Variants in TNPO3 observed in about 807,000 individuals in gnomAD.
TNPO3 encodes transportin-3.
A neutral mutation model predicts 122.8 loss-of-function variants in TNPO3; 65 were observed. That is an observed-to-expected ratio of 0.53 (90% confidence interval 0.43 to 0.65). The LOEUF (loss-of-function observed/expected upper bound fraction) is 0.65. Ranked by LOEUF, TNPO3 falls within the 30% of genes least tolerant of loss-of-function variation. The pLI is 0.00. For synonymous variants in TNPO3, 372 were observed against 411.2 expected, an observed-to-expected ratio of 0.90 and a Z score of 1.15; for missense variants, 850 against 1,136.7, an observed-to-expected ratio of 0.75 and a Z score of 3.63.
intron 1 of TNPO3, among the ~76,000 whole-genome samples, chr7:129,026,008 C>T (rs1239760094): frequency 6.6e-6 from 1 of 151,712 alleles, no homozygotes; most frequent in Non-Finnish European, 1.5e-5. Context: ...TGCCTGTAGT[C>T]CCAGCTACCC....
intron 1 of TNPO3, among the ~76,000 whole-genome samples, chr7:129,032,403 G>A (rs1360852099): frequency 6.6e-6 from 1 of 152,190 alleles, no homozygotes; most frequent in Non-Finnish European, 1.5e-5. Context: ...AAAGGAAGAT[G>A]TAAAATAATC....
At chr7:129,011,022 A>C (rs575044590) in intron 4 of TNPO3, among the ~76,000 whole-genome samples, 1 of 152,340 alleles carries the variant, frequency 6.6e-6, no homozygotes, top group South Asian at 2.1e-4. Flanking sequence ...AGCTAGAACC[A>C]TTATTAATGT....
chr7:129,037,453 T>G (rs1409015535), intron 1 of TNPO3, among the ~76,000 whole-genome samples: 2 of 152,094 alleles, frequency 1.3e-5, no homozygotes, highest in Non-Finnish European at 2.9e-5. Flanking sequence ...CTGCTAACAC[T>G]TCTAACAAAT....
chr7:128,990,594 A>C (rs1206901247), intron 10 of TNPO3, among the ~76,000 whole-genome samples: 1 of 152,230 alleles, frequency 6.6e-6, no homozygotes, highest in East Asian at 1.9e-4. Context: ...GGATATTGGA[A>C]ACTTTAAGAA....
chr7:129,001,786 C>T (rs1353602576), intron 5 of TNPO3, among the ~76,000 whole-genome samples: 3 of 152,174 alleles, frequency 2.0e-5, no homozygotes, highest in African/African-American at 7.2e-5. Flanking sequence ...CTTTCTGTCC[C>T]GAAGTCATGG....
At chr7:128,993,468 T>C (rs1466753625) in intron 9 of TNPO3, among the ~76,000 whole-genome samples, 4 of 152,188 alleles carry the variant, frequency 2.6e-5, no homozygotes, top group African/African-American at 7.2e-5. Flanking sequence ...GCAGAAACAC[T>C]TGCCTATTGT....
At chr7:129,051,627 G>T (rs1808783064) in intron 1 of TNPO3, among the ~76,000 whole-genome samples, 1 of 151,814 alleles carries the variant, frequency 6.6e-6, no homozygotes. Context: ...AGAGCCAATG[G>T]GCCTGGCCTG....
intron 7 of TNPO3, among the ~76,000 whole-genome samples, chr7:128,999,679 C>T (rs990495207): frequency 5.9e-5 from 9 of 151,562 alleles, no homozygotes; most frequent in African/African-American, 1.9e-4. Flanking sequence ...GGCCCGATCT[C>T]AGCTCACTAC....
intron 11 of TNPO3, among the ~76,000 whole-genome samples, chr7:128,987,659 C>T (rs992857663): frequency 1.3e-5 from 2 of 152,190 alleles, no homozygotes; most frequent in Non-Finnish European, 2.9e-5. Context: ...CAGCTCACTG[C>T]AACCTCCATC....
At chr7:128,981,575 T>A (rs528961937) in intron 14 of TNPO3, among the ~76,000 whole-genome samples, 3 of 152,254 alleles carry the variant, frequency 2.0e-5, no homozygotes, top group South Asian at 2.1e-4. Flanking sequence ...CTACCCAAGA[T>A]CTAATGAATC....
chr7:128,956,174 T>A (rs953447611), intron 22 of TNPO3, among the ~76,000 whole-genome samples: 4 of 152,194 alleles, frequency 2.6e-5, no homozygotes, highest in African/African-American at 9.7e-5. Context: ...TTATTACTCA[T>A]TAAAACAATC....
intron 1 of TNPO3, among the ~76,000 whole-genome samples, chr7:129,034,540 C>G (rs1806339879): frequency 6.6e-6 from 1 of 151,932 alleles, no homozygotes; most frequent in South Asian, 2.1e-4. Context: ...GGTTGAAACA[C>G]AGCTTAGAAT....
chr7:129,051,733 T>A (rs1235973604), intron 1 of TNPO3, among the ~76,000 whole-genome samples: 1 of 152,060 alleles, frequency 6.6e-6, no homozygotes, highest in South Asian at 2.1e-4. Context: ...AACCTCCACC[T>A]CCTGGGTTCA....
chr7:129,025,357 A>C, intron 1 of TNPO3, among the ~76,000 whole-genome samples: 1 of 12,528 alleles, frequency 8.0e-5, no homozygotes, highest in African/African-American at 3.0e-4. Context: ...TCACAAAAAA[A>C]AAAAAAAAAA....
chr7:129,044,936 A>AAGGT (rs1807841344), intron 1 of TNPO3, among the ~76,000 whole-genome samples: 1 of 152,226 alleles, frequency 6.6e-6, no homozygotes, highest in Non-Finnish European at 1.5e-5. Context: ...ATTATTCACA[A>AAGGT]AGGTGCAAGC....
chr7:128,970,506 C>T (rs1798359576), intron 19 of TNPO3, among the ~76,000 whole-genome samples, 191 bp from the exon 20 acceptor site: 1 of 151,864 alleles, frequency 6.6e-6, no homozygotes, highest in African/African-American at 2.4e-5. Context: ...AGTTTTTTGT[C>T]TTTAGAAAGA....
At chr7:129,031,693 G>A (rs1226645013) in intron 1 of TNPO3, among the ~76,000 whole-genome samples, 1 of 152,090 alleles carries the variant, frequency 6.6e-6, no homozygotes, top group East Asian at 1.9e-4. Context: ...CTCATTCTAT[G>A]AGACAAGCAT....
At chr7:128,991,856 G>T (rs1406651695) in intron 10 of TNPO3, 143 bp downstream of exon 10, 1 of 442,786 alleles carries the variant, frequency 2.3e-6, no homozygotes, top group East Asian at 3.4e-5. Context: ...CTAGACTCTA[G>T]AAGTCAGAAG....
At chr7:129,049,219 G>C (rs1808413446) in intron 1 of TNPO3, among the ~76,000 whole-genome samples, 1 of 152,184 alleles carries the variant, frequency 6.6e-6, no homozygotes, top group Non-Finnish European at 1.5e-5. Flanking sequence ...TGTACTATGA[G>C]AAATATTTCA....
Sources: gnomAD v4.1 joint callset for allele counts (sites outside exome capture counted in the v4.1 genomes callset) on GRCh38, gnomAD v4.1.1 for gene constraint, MANE v1.5 for transcripts, NCBI Gene and HGNC (gene_info 2026-07-23, HGNC 2026-07-21) for gene names.